Variants in ARHGAP29 observed in about 807,000 individuals in gnomAD.
ARHGAP29 encodes rho GTPase-activating protein 29.
In ARHGAP29, 43 loss-of-function variants were observed where a neutral mutation model predicts 122.6. That is an observed-to-expected ratio of 0.35 (90% CI 0.27 to 0.45). The LOEUF (loss-of-function observed/expected upper bound fraction) is 0.45. Among genes scored for constraint, ARHGAP29 ranks in the 20% least tolerant of loss-of-function variants. The probability of loss-of-function intolerance (pLI) is 1.00; values close to 1 mark genes in which losing one functional copy is unlikely to be tolerated. For missense variants in ARHGAP29, 1,303 were observed against 1,477.2 expected, an observed-to-expected ratio of 0.88 and a Z score of 1.93; for synonymous variants, 506 against 497.1, an observed-to-expected ratio of 1.02 and a Z score of -0.24.
intron 1 of ARHGAP29, among the ~76,000 whole-genome samples, chr1:94,268,510 A>G (rs1473373089): frequency 6.6e-6 from 1 of 151,910 alleles, no homozygotes; most frequent in Non-Finnish European, 1.5e-5. Flanking sequence ...TTTATTGTTT[A>G]TTGTATGTTT....
the ARHGAP29 span, among the ~76,000 whole-genome samples, chr1:94,305,699 T>G: frequency 6.6e-6 from 1 of 152,144 alleles, no homozygotes; most frequent in Non-Finnish European, 1.5e-5. Context: ...GAGGTAAAAT[T>G]GACTGGATTT....
chr1:94,209,019 C>T, intron 4 of ARHGAP29, 115 bp from the exon 5 acceptor site: 1 of 1,007,270 alleles, frequency 9.9e-7, no homozygotes, highest in Non-Finnish European at 1.5e-6. Flanking sequence ...TAGAAATAAA[C>T]CCCTAGGAAT....
intron 5 of ARHGAP29, among the ~76,000 whole-genome samples, chr1:94,206,223 T>C (rs1239804583): frequency 1.3e-5 from 2 of 152,210 alleles, no homozygotes; most frequent in South Asian, 2.1e-4. Flanking sequence ...CTAGTGTGAC[T>C]AGGAGGTGGA....
chr1:94,296,752 A>G, the ARHGAP29 span, among the ~76,000 whole-genome samples: 16 of 152,326 alleles, frequency 1.1e-4, no homozygotes, highest in South Asian at 8.3e-4. Flanking sequence ...AGAGGCAAAC[A>G]GAGAGCCATC....
rs551596570 is a variant in ARHGAP29 at position 94,237,353 on chromosome 1, G to A, written c.-33+62C>T. The A allele has an allele frequency of 1.4e-5, 14 of 973,422 alleles. No homozygotes were observed. The African/African-American group carries it at 2.3e-4, about 16-fold the overall frequency. The allele number at this position is 973,422 out of a possible 1,614,324, so 60.3% of individuals were successfully genotyped here. On this transcript the variant is annotated intron_variant, in intron 1 of 22. Transcript: ENST00000260526. ...CGGCAATTCGCGGGCGCTCGCGCGG[G>A]CAACCCCAGCCCGGAGCCACGACCG... is the stretch of plus-strand genomic sequence containing the variant.
chr1:94,209,128 T>C (rs1651411295), intron 4 of ARHGAP29, 126 bp downstream of exon 4: 1 of 846,802 alleles, frequency 1.2e-6, no homozygotes, highest in Admixed American at 2.8e-5. Flanking sequence ...AGAAGGTAGT[T>C]TTTCCGAAGT....
At chr1:94,236,671 GC>G (rs906968935) in intron 1 of ARHGAP29, among the ~76,000 whole-genome samples, 6 of 151,616 alleles carry the variant, frequency 4.0e-5, no homozygotes, top group Admixed American at 3.9e-4. Context: ...CAGCTCACCC[GC>G]CCCCCAAAAA....
Position 94,173,591 on chromosome 1 carries a change from A to C in ARHGAP29, c.*278T>G. 1 of 313,086 alleles carries C rather than the reference A, an allele frequency of 3.2e-6. No individual in the cohort carries two copies. Among genetic ancestry groups the C allele is most frequent in the Non-Finnish European group, 5.9e-6 (1 of 169,214 alleles). 19.4% of individuals were successfully genotyped at this position (313,086 alleles called of 1,614,324 possible). Reference sequence around the variant, plus strand: ...TTCAAATGGACCATTTGGTGGGGAAAGTCAACTGAACTTTAAAAAATACGA... The same window carrying C: ...TTCAAATGGACCATTTGGTGGGGAACGTCAACTGAACTTTAAAAAATACGA... On this transcript the variant is annotated 3_prime_UTR_variant, in exon 23 of 23. Coordinates refer to ENST00000260526, the MANE Select transcript of ARHGAP29 (RefSeq NM_004815.4).
chr1:94,254,456 C>T (rs114340474), intron 1 of ARHGAP29, among the ~76,000 whole-genome samples: 1,633 of 152,286 alleles, frequency 0.011, 30 homozygotes, highest in African/African-American at 0.037. Flanking sequence ...CAGTAAGTTG[C>T]CTTGCTTAGG....
At chr1:94,301,993 A>T in the ARHGAP29 span, 1 of 173,730 alleles carries the variant, frequency 5.8e-6, no homozygotes, top group Non-Finnish European at 1.2e-5. Flanking sequence ...CCATCAACAG[A>T]TGGCCCAGTC....
At chr1:94,207,730 T>C (rs1031979763) in intron 5 of ARHGAP29, among the ~76,000 whole-genome samples, 1 of 152,238 alleles carries the variant, frequency 6.6e-6, no homozygotes, top group Non-Finnish European at 1.5e-5. Flanking sequence ...TTGTAATACA[T>C]ATAACAAATG....
Position 94,174,492 on chromosome 1 carries a change from C to T in ARHGAP29, c.3163G>A (p.Gly1055Arg). The T allele has an allele frequency of 6.2e-7, 1 of 1,614,182 alleles. No individual in the cohort carries two copies. Among genetic ancestry groups the T allele is most frequent in the Non-Finnish European group, 8.5e-7 (1 of 1,180,036 alleles). ...GTAGCAGCGTCTTTTCTATTAACTC[C>T]TTCAAAGGCAGGATTCTTGCAAAAC... The part of the protein sequence containing the change: ...DKFCKNPAFE[G>R]VNRKDAATTV... Residue 1055 changes from glycine to arginine, a missense_variant, in exon 23 of 23, where the codon GGA becomes AGA. By Grantham distance (125) the Gly-to-Arg change is moderately radical (BLOSUM62 -2). Around this residue, in one of 3 missense-constraint regions of ARHGAP29, gnomAD observed 620 missense variants for 651.2 expected, o/e 0.95. Coordinates refer to ENST00000260526, the MANE Select transcript of ARHGAP29 (RefSeq NM_004815.4).
intron 12 of ARHGAP29, among the ~76,000 whole-genome samples, chr1:94,201,231 A>T (rs1302586844): frequency 1.3e-5 from 2 of 152,116 alleles, no homozygotes; most frequent in African/African-American, 4.8e-5. Context: ...GCAATTTTAA[A>T]CTCTCAGACT....
In ARHGAP29 at chr1:94,177,495, A is replaced by G. The variant is rs1649166511; in HGVS notation, c.2905+117T>C. Reference sequence around the variant, plus strand: ...CTCAATGGCTAGCCAAGATTTGTTAACTAATAAAGCTTCATTCTCTGGCTT... The same window carrying G: ...CTCAATGGCTAGCCAAGATTTGTTAGCTAATAAAGCTTCATTCTCTGGCTT... On this transcript the variant is annotated intron_variant, in intron 22 of 22. Coordinates refer to ENST00000260526, the MANE Select transcript of ARHGAP29 (RefSeq NM_004815.4). 6.0e-6 allele frequency: 4 copies of G among 667,930 alleles called. No homozygotes were observed. In the Admixed American group the frequency reaches 1.1e-4, roughly 18 times the overall value. The allele number at this position is 667,930 out of a possible 1,614,324, so 41.4% of individuals were successfully genotyped here.
intron 2 of ARHGAP29, among the ~76,000 whole-genome samples, chr1:94,221,637 G>GTACATATA (rs1200438893): frequency 6.7e-6 from 1 of 149,890 alleles, no homozygotes; most frequent in African/African-American, 2.4e-5. Flanking sequence ...ACATACATAT[G>GTACATATA]TACATATATA....
chr1:94,177,407 TAAGA>T, intron 22 of ARHGAP29: 2 of 419,118 alleles, frequency 4.8e-6, no homozygotes, highest in Non-Finnish European at 8.4e-6. Context: ...TGTCTTATTA[TAAGA>T]AAGACTTTTA....
chr1:94,226,244 C>T (rs1267856144), intron 2 of ARHGAP29, among the ~76,000 whole-genome samples: 1 of 151,904 alleles, frequency 6.6e-6, no homozygotes, highest in Non-Finnish European at 1.5e-5. Flanking sequence ...TTTGAAGTTA[C>T]AGGATAAAAG....
intron 1 of ARHGAP29, among the ~76,000 whole-genome samples, chr1:94,232,047 T>C (rs950671013): frequency 1.3e-5 from 2 of 152,148 alleles, no homozygotes; most frequent in African/African-American, 4.8e-5. Flanking sequence ...TTTTATTTAA[T>C]TGTAAAAGTT....
the ARHGAP29 span, among the ~76,000 whole-genome samples, chr1:94,288,944 T>C: frequency 6.6e-6 from 1 of 152,238 alleles, no homozygotes; most frequent in African/African-American, 2.4e-5. Context: ...AGCTTTTTTC[T>C]TTTTGCTTAG....
Sources: allele counts gnomAD v4.1 joint callset (sites outside exome capture counted in the v4.1 genomes callset), GRCh38; gene constraint gnomAD v4.1.1; regional missense constraint gnomAD v4.1.1; transcripts MANE v1.5; gene names NCBI Gene and HGNC (gene_info 2026-07-23, HGNC 2026-07-21).